DLG2: variants seen among roughly 807,000 people sequenced by gnomAD.
DLG2 encodes disks large homolog 2.
A neutral mutation model predicts 132.5 loss-of-function variants in DLG2; 45 were observed. The observed-to-expected ratio is 0.34, with a 90% confidence interval of 0.27 to 0.44. The LOEUF (loss-of-function observed/expected upper bound fraction) is 0.44. DLG2 is among the 20% of genes least tolerant of loss of function. The pLI, the probability that DLG2 is intolerant of heterozygous loss-of-function variation, is 1.00. For missense variants in DLG2, 1,045 were observed against 1,196.9 expected, an observed-to-expected ratio of 0.87 and a Z score of 1.87; for synonymous variants, 424 against 419.6, an observed-to-expected ratio of 1.01 and a Z score of -0.13.
chr11:85,359,825 C>T (rs1425521943), intron 3 of DLG2, among the ~76,000 whole-genome samples: 1 of 151,626 alleles, frequency 6.6e-6, no homozygotes, highest in East Asian at 1.9e-4. Flanking sequence ...CATTATAGCA[C>T]AAAAAAAGGA....
At chr11:85,460,672 C>T (rs2153056320) in intron 3 of DLG2, among the ~76,000 whole-genome samples, 1 of 152,320 alleles carries the variant, frequency 6.6e-6, no homozygotes, top group East Asian at 1.9e-4. Flanking sequence ...TGGCCTCTCC[C>T]ATGATCACCC....
chr11:83,890,218 G>C (rs1185809086), intron 15 of DLG2, among the ~76,000 whole-genome samples: 1 of 152,000 alleles, frequency 6.6e-6, no homozygotes, highest in African/African-American at 2.4e-5. Context: ...TAGGATTTTA[G>C]GCATCTAATT....
At chr11:84,408,532 G>T (rs543048003) in intron 7 of DLG2, among the ~76,000 whole-genome samples, 6 of 152,236 alleles carry the variant, frequency 3.9e-5, no homozygotes, top group African/African-American at 1.4e-4. Context: ...TCTTCATCTT[G>T]ATGAGCTTAA....
intron 7 of DLG2, among the ~76,000 whole-genome samples, chr11:84,273,855 C>T (rs1353418793): frequency 6.6e-6 from 1 of 152,164 alleles, no homozygotes; most frequent in Non-Finnish European, 1.5e-5. Flanking sequence ...CAGAGTATTA[C>T]TGTCTTAATG....
intron 6 of DLG2, among the ~76,000 whole-genome samples, chr11:84,763,096 A>T (rs61434919): frequency 0.015 from 2,323 of 152,270 alleles, 74 homozygotes; most frequent in African/African-American, 0.052. Context: ...GCTAACTCCT[A>T]TGCAACTTTC....
At chr11:83,702,701 T>G (rs1566608346) in intron 18 of DLG2, among the ~76,000 whole-genome samples, 2 of 152,304 alleles carry the variant, frequency 1.3e-5, no homozygotes, top group South Asian at 2.1e-4. Flanking sequence ...CACTGATCTG[T>G]CTCTTCCTGG....
chr11:84,901,747 T>C (rs1278252219), intron 6 of DLG2, among the ~76,000 whole-genome samples: 3 of 152,106 alleles, frequency 2.0e-5, no homozygotes, highest in African/African-American at 7.2e-5. Flanking sequence ...ATTTTGCAGA[T>C]GAAGTAACTG....
intron 19 of DLG2, among the ~76,000 whole-genome samples, chr11:83,579,227 A>G (rs2096929815): frequency 6.6e-6 from 1 of 152,248 alleles, no homozygotes; most frequent in South Asian, 2.1e-4. Flanking sequence ...ATCTAGGCAA[A>G]TAAAATGTTG....
intron 21 of DLG2, among the ~76,000 whole-genome samples, chr11:83,524,270 A>G (rs1013715981): frequency 6.6e-6 from 1 of 152,134 alleles, no homozygotes; most frequent in Non-Finnish European, 1.5e-5. Context: ...TCAAATTAGT[A>G]GCATGCCTAA....
chr11:84,627,493 A>T (rs955976604), intron 6 of DLG2, among the ~76,000 whole-genome samples: 1 of 152,254 alleles, frequency 6.6e-6, no homozygotes, highest in East Asian at 1.9e-4. Flanking sequence ...CAAATTTTGT[A>T]GCATTCTCCC....
chr11:83,891,316 A>T (rs576472912), intron 15 of DLG2, among the ~76,000 whole-genome samples: 1 of 152,268 alleles, frequency 6.6e-6, no homozygotes, highest in East Asian at 1.9e-4. Flanking sequence ...AGAGAATAAG[A>T]AGGCATGTCA....
chr11:84,999,926 C>G (rs565662534), intron 6 of DLG2, among the ~76,000 whole-genome samples: 1 of 151,958 alleles, frequency 6.6e-6, no homozygotes, highest in Admixed American at 6.6e-5. Flanking sequence ...GCATCCTATT[C>G]CAAAGAAAAT....
At chr11:83,902,702 G>T (rs1344760603) in intron 15 of DLG2, among the ~76,000 whole-genome samples, 2 of 152,096 alleles carry the variant, frequency 1.3e-5, no homozygotes, top group Non-Finnish European at 2.9e-5. Flanking sequence ...TAGGAAGACA[G>T]AAATGCATCC....
chr11:83,572,372 T>G (rs192916331), intron 19 of DLG2, among the ~76,000 whole-genome samples: 2 of 152,258 alleles, frequency 1.3e-5, no homozygotes, highest in Admixed American at 1.3e-4. Context: ...AGACATAATC[T>G]GACCAGCTGT....
intron 6 of DLG2, among the ~76,000 whole-genome samples, chr11:84,807,903 G>C (rs1468436921): frequency 6.6e-6 from 1 of 152,042 alleles, no homozygotes; most frequent in Non-Finnish European, 1.5e-5. Context: ...ATTATAATTG[G>C]AGACTTCAAC....
intron 7 of DLG2, among the ~76,000 whole-genome samples, chr11:84,379,899 A>G (rs932287094): frequency 6.6e-6 from 1 of 152,066 alleles, no homozygotes; most frequent in Non-Finnish European, 1.5e-5. Context: ...TAGACTTACT[A>G]TAGTAAAGCT....
chr11:84,303,395 A>AT lies in DLG2; in HGVS notation c.520-52105dup, dbSNP rs952574380. On this transcript the variant is annotated intron_variant, in intron 7 of 27. Coordinates refer to ENST00000376104, the MANE Select transcript of DLG2 (RefSeq NM_001142699.3). ...AAAATGCAAATGTGTTCAATCATAG[A>AT]TTTTTTATGCAATGGTGGTAACTAC... Among the ~76,000 whole-genome samples, 82 of 152,306 alleles carry AT rather than the reference A, an allele frequency of 5.4e-4. 1 individual carries two copies. The highest frequency in any genetic ancestry group is 1.9e-3 in the African/African-American group (80 of 41,570).
intron 14 of DLG2, among the ~76,000 whole-genome samples, chr11:83,960,465 A>G (rs2088318508): frequency 6.6e-6 from 1 of 152,090 alleles, no homozygotes; most frequent in Non-Finnish European, 1.5e-5. Context: ...CTAAGTAAAA[A>G]CATAATAAAT....
intron 7 of DLG2, among the ~76,000 whole-genome samples, chr11:84,419,939 GTTAA>G (rs1012129559): frequency 3.3e-5 from 5 of 152,174 alleles, no homozygotes; most frequent in African/African-American, 1.2e-4. Context: ...CCACACCAGT[GTTAA>G]TTATGTCAAT....
Sources: gnomAD v4.1 joint callset for allele counts (sites outside exome capture counted in the v4.1 genomes callset) on GRCh38, gnomAD v4.1.1 for gene constraint, MANE v1.5 for transcripts, NCBI Gene and HGNC (gene_info 2026-07-23, HGNC 2026-07-21) for gene names.